The following FHL1 variants were observed in gnomAD, a reference collection of about 807,000 sequenced individuals.
FHL1 encodes the protein four and a half LIM domains protein 1.
In FHL1, 1 loss-of-function variant was observed where a neutral mutation model predicts 20.3. The observed-to-expected ratio is 0.05, with a 90% CI of 0.02 to 0.23. The LOEUF (loss-of-function observed/expected upper bound fraction) is 0.23, where lower values mean the gene tolerates loss of function less well. Among genes scored for constraint, FHL1 ranks in the 10% least tolerant of loss-of-function variants. The pLI is 1.00. For synonymous variants in FHL1, 82 were observed against 88.9 expected (o/e 0.92, Z 0.44); for missense variants, 177 against 234.0 (o/e 0.76, Z 1.59).
upstream of FHL1, among the ~76,000 whole-genome samples, chrX:136,193,764 A>G (rs5975697): frequency 0.34 from 36,901 of 108,656 alleles, 4,830 homozygotes; most frequent in East Asian, 0.43. Flanking sequence ...TCAGTGGACA[A>G]TTGCATTACC....
At chrX:136,156,533 C>T (rs2072424718) in intron 1 of FHL1, among the ~76,000 whole-genome samples, 1 of 111,335 alleles carries the variant, frequency 9.0e-6, no homozygotes, top group South Asian at 3.8e-4. Context: ...CCGCCCTCCT[C>T]GGCCTCCCAA....
intron 3 of FHL1, 77 bp downstream of exon 3, chrX:136,207,267 G>A: frequency 1.9e-6 from 2 of 1,050,170 alleles, no homozygotes; most frequent in Non-Finnish European, 1.3e-6. Context: ...GCTTATCATG[G>A]TGGGGCTAAC....
intron 2 of FHL1, among the ~76,000 whole-genome samples, chrX:136,178,730 T>G (rs1329627356): frequency 3.8e-5 from 4 of 106,494 alleles, no homozygotes; most frequent in African/African-American, 1.3e-4. Context: ...TTAAACCATG[T>G]GTGAGAGGAC....
intron 2 of FHL1, among the ~76,000 whole-genome samples, chrX:136,181,236 T>C (rs1408263438): frequency 8.9e-6 from 1 of 112,507 alleles, no homozygotes; most frequent in Non-Finnish European, 1.9e-5. Flanking sequence ...AGTTACGTTT[T>C]GGTTTCCAGT....
Position 136,210,133 on chromosome X carries a change from A to G in FHL1, c.*108A>G. Reference sequence around the variant, plus strand: ...GGGAAGAGTGGTCCTTCCCTTCTTTAAAGTTCTCCTTCCGTCTTTTCTCCC... The same window carrying G: ...GGGAAGAGTGGTCCTTCCCTTCTTTGAAGTTCTCCTTCCGTCTTTTCTCCC... On this transcript the variant is annotated 3_prime_UTR_variant, in exon 6 of 6. Coordinates refer to ENST00000370683, the MANE Select transcript of FHL1 (RefSeq NM_001159699.2). The G allele has an allele frequency of 9.5e-7, 1 of 1,048,462 alleles. No individual in the cohort carries two copies. Among genetic ancestry groups the G allele is most frequent in the Non-Finnish European group, 1.3e-6 (1 of 748,833 alleles). The allele number at this position is 1,048,462 out of a possible 1,213,427, so 86.4% of individuals were successfully genotyped here. A position where few individuals can be genotyped will look rare whatever the true frequency, so the allele number is the denominator to read the frequency against.
intron 2 of FHL1, among the ~76,000 whole-genome samples, chrX:136,177,214 G>A (rs1263773624): frequency 1.8e-5 from 2 of 111,502 alleles, no homozygotes; most frequent in Non-Finnish European, 3.8e-5. Context: ...CCCATTACAG[G>A]ATTATAAATT....
At chrX:136,193,956 C>T (rs1435879990), upstream of FHL1, among the ~76,000 whole-genome samples, 1 of 109,407 alleles carries the variant, frequency 9.1e-6, no homozygotes, top group Non-Finnish European at 1.9e-5. Context: ...ACACCCCAAC[C>T]CCCCCCAGCT....
intron 1 of FHL1, chrX:136,148,303 G>C (rs1474985698): frequency 1.0e-5 from 1 of 95,553 alleles, no homozygotes; most frequent in Non-Finnish European, 2.1e-5. Context: ...TGGGATGCTT[G>C]TGGGGTGGTT....
At chrX:136,180,945 T>G (rs2073140276) in intron 2 of FHL1, among the ~76,000 whole-genome samples, 1 of 111,941 alleles carries the variant, frequency 8.9e-6, no homozygotes, top group Admixed American at 9.5e-5. Flanking sequence ...TTTTGCCATG[T>G]TGGCCAGGCT....
intron 2 of FHL1, among the ~76,000 whole-genome samples, chrX:136,171,311 T>A (rs1453447398): frequency 9.0e-6 from 1 of 111,338 alleles, no homozygotes; most frequent in African/African-American, 3.3e-5. Context: ...CTAACCCCAA[T>A]AGAGAAAACC....
At chrX:136,185,527 A>G (rs1245227699) in intron 2 of FHL1, among the ~76,000 whole-genome samples, 2 of 111,731 alleles carry the variant, frequency 1.8e-5, no homozygotes, top group African/African-American at 3.3e-5. Flanking sequence ...CTGATAATGG[A>G]GTGGGGGTGC....
At chrX:136,156,200 G>A (rs763427644) in intron 1 of FHL1, among the ~76,000 whole-genome samples, 26 of 110,563 alleles carry the variant, frequency 2.4e-4, no homozygotes, top group Non-Finnish European at 4.7e-4. Context: ...AATATCTCTT[G>A]TAAGCATTTT....
At chrX:136,185,250 G>T (rs747374150) in intron 2 of FHL1, among the ~76,000 whole-genome samples, 1 of 112,061 alleles carries the variant, frequency 8.9e-6, no homozygotes, top group South Asian at 3.7e-4. Context: ...GTTCCAGTAT[G>T]ATAATTTATA....
chrX:136,153,709 C>T (rs1484658955), intron 1 of FHL1, among the ~76,000 whole-genome samples: 2 of 112,357 alleles, frequency 1.8e-5, no homozygotes, highest in Non-Finnish European at 3.8e-5. Context: ...CAAAATCAGT[C>T]ATAATCCACC....
intron 2 of FHL1, among the ~76,000 whole-genome samples, chrX:136,188,655 G>A (rs968870905): frequency 9.0e-6 from 1 of 111,146 alleles, no homozygotes; most frequent in Non-Finnish European, 1.9e-5. Context: ...GCAATGGTCT[G>A]TCTACACAAT....
chrX:136,209,969 C>G lies in FHL1; in HGVS notation c.835C>G (p.Arg279Gly). 8.3e-7 allele frequency: 1 copy of G among 1,211,278 alleles called. No homozygotes were observed. Among genetic ancestry groups the G allele is most frequent in the South Asian group, 1.8e-5 (1 of 56,948 alleles). The change falls in exon 6 of 6, where the codon CGC becomes GGC. Residue 279 changes from arginine (R) to glycine (G), a missense_variant. Transcript: ENST00000370683. ...KKCSVNLANKRFVFHQEQVYC... is the reference protein window; with the variant it reads ...KKCSVNLANKGFVFHQEQVYC... ...ATGCTCCGTGAATCTGGCCAACAAG[C>G]GCTTTGTTTTCCACCAGGAGCAAGT...
chrX:136,195,000 A>G (rs1415845965), upstream of FHL1, among the ~76,000 whole-genome samples: 1 of 111,867 alleles, frequency 8.9e-6, no homozygotes, highest in Non-Finnish European at 1.9e-5. Flanking sequence ...TGCAGGCCCA[A>G]GCTCCCAGTC....
At chrX:136,209,485 G>A in intron 5 of FHL1, 1 of 1,172,076 alleles carries the variant, frequency 8.5e-7, no homozygotes, top group Non-Finnish European at 1.2e-6. Flanking sequence ...GCCTCCTGGT[G>A]GCCACTTTGA....
chrX:136,189,545 C>T (rs970827680), intron 2 of FHL1, among the ~76,000 whole-genome samples: 24 of 111,743 alleles, frequency 2.1e-4, no homozygotes, highest in Admixed American at 1.7e-3. Context: ...CTGCTTGGGT[C>T]GGCCACATTT....
Sources: allele counts gnomAD v4.1 joint callset (sites outside exome capture counted in the v4.1 genomes callset), GRCh38; gene constraint gnomAD v4.1.1; transcripts MANE v1.5; gene names NCBI Gene and HGNC (gene_info 2026-07-23, HGNC 2026-07-21).